DOCK10: variants seen among roughly 807,000 people sequenced by gnomAD.
The protein encoded by DOCK10 is dedicator of cytokinesis 10.
DOCK10 carries 145 observed loss-of-function variants against 280.1 expected under a neutral mutation model. That is an observed-to-expected ratio of 0.52 (90% CI 0.45 to 0.59). DOCK10 has a LOEUF of 0.59. Among genes scored for constraint, DOCK10 ranks in the 20% least tolerant of loss-of-function variants. The probability of loss-of-function intolerance (pLI) is 0.00; values close to 1 mark genes in which losing one functional copy is unlikely to be tolerated. For missense variants in DOCK10, 2,368 were observed against 2,651.7 expected (o/e 0.89, Z 2.35); for synonymous variants, 915 against 942.2 (o/e 0.97, Z 0.53).
intron 11 of DOCK10, among the ~76,000 whole-genome samples, chr2:224,865,330 G>T (rs746906172): frequency 6.6e-6 from 1 of 151,988 alleles, no homozygotes; most frequent in Non-Finnish European, 1.5e-5. Context: ...TGCATGGTTG[G>T]GCCTTACAAA....
Position 224,794,896 on chromosome 2 carries a change from T to C in DOCK10, c.5137A>G (p.Asn1713Asp), listed in dbSNP as rs769278338. 1.1e-5 allele frequency: 18 copies of C among 1,613,674 alleles called. No homozygotes were observed. Among genetic ancestry groups the C allele is most frequent in the Non-Finnish European group, 1.5e-5 (18 of 1,179,840 alleles). Residue 1713 changes from asparagine (N) to aspartate (D), a missense_variant, in exon 45 of 56, where the codon AAC becomes GAC. Physicochemically the swap from Asn to Asp is conservative, Grantham distance 23 (BLOSUM62 1). Coordinates refer to ENST00000258390, the MANE Select transcript of DOCK10 (RefSeq NM_014689.3). Reference protein sequence around the residue: ...LESMAKIHARNGDLSEAAMCY... With the variant: ...LESMAKIHARDGDLSEAAMCY... ...CTAATCACCTCAGATAAATCTCCGT[T>C]TCTGGCATGAATCTTGGCCATACTT...
chr2:224,864,741 A>T, intron 12 of DOCK10, 66 bp from the exon 13 acceptor site: 1 of 1,575,952 alleles, frequency 6.3e-7, no homozygotes, highest in South Asian at 1.2e-5. Context: ...ACAAAATTCC[A>T]TTTTTTTAAA....
In DOCK10 at chr2:224,806,244, T is replaced by C; in HGVS notation, c.3703-7A>G. Reference sequence around the variant, plus strand: ...TTAGATCATCTCTAGACCCCTGTATTCAAAGTATAGTAAAGATTAATGGGA... The same window carrying C: ...TTAGATCATCTCTAGACCCCTGTATCCAAAGTATAGTAAAGATTAATGGGA... On this transcript the variant is annotated splice_region_variant and splice_polypyrimidine_tract_variant and intron_variant, in intron 33 of 55. Coordinates refer to ENST00000258390, the MANE Select transcript of DOCK10 (RefSeq NM_014689.3). 1 of 1,536,660 alleles carries C rather than the reference T, an allele frequency of 6.5e-7. No individual in the cohort carries two copies. The highest frequency in any genetic ancestry group is 8.9e-7 in the Non-Finnish European group (1 of 1,118,658).
chr2:224,866,282 A>G (rs1042485913), intron 11 of DOCK10, among the ~76,000 whole-genome samples: 6 of 152,162 alleles, frequency 3.9e-5, no homozygotes, highest in African/African-American at 1.4e-4. Flanking sequence ...ATATATTCTG[A>G]CATAAATTCA....
At chr2:224,993,958 G>A (rs549640528) in intron 1 of DOCK10, among the ~76,000 whole-genome samples, 2 of 152,180 alleles carry the variant, frequency 1.3e-5, no homozygotes, top group Non-Finnish European at 2.9e-5. Context: ...AATTATCTTA[G>A]GCAGTCTTGA....
At chr2:224,933,544 T>C (rs1445705483) in intron 1 of DOCK10, among the ~76,000 whole-genome samples, 1 of 152,202 alleles carries the variant, frequency 6.6e-6, no homozygotes, top group Non-Finnish European at 1.5e-5. Flanking sequence ...AACCTGTTTT[T>C]CCTCCCTATT....
At chr2:224,921,112 A>AAAAAAATATAT in intron 2 of DOCK10, among the ~76,000 whole-genome samples, 4 of 54,402 alleles carry the variant, frequency 7.4e-5, no homozygotes, top group East Asian at 4.0e-4. Context: ...AAAAAAAAAA[A>AAAAAAATATAT]ATATATATAT....
At chr2:224,773,000 T>C (rs1384008660) in intron 53 of DOCK10, among the ~76,000 whole-genome samples, 157 bp downstream of exon 53, 2 of 152,194 alleles carry the variant, frequency 1.3e-5, no homozygotes, top group Non-Finnish European at 2.9e-5. Flanking sequence ...TAATGCACAT[T>C]GACAACTAGA....
At position 225,035,577 on chromosome 2, in the gene DOCK10, T is replaced by C. The variant is rs1366731556; in HGVS notation, c.123+6675A>G. ...ATATATATATATATATATATATATATATATATATATAACACTGAATCAGTG... is the reference window on the plus strand; with the variant it reads ...ATATATATATATATATATATATATACATATATATATAACACTGAATCAGTG... On this transcript the variant is annotated intron_variant, in intron 1 of 55. Coordinates refer to ENST00000258390, the MANE Select transcript of DOCK10 (RefSeq NM_014689.3). Among the ~76,000 whole-genome samples the C allele has an allele frequency of 6.2e-3, 589 of 95,124 alleles. 28 individuals are homozygous for C. The highest frequency in any genetic ancestry group is 6.2e-3 in the Non-Finnish European group (306 of 49,020). The allele number at this position is 95,124 out of a possible 152,430, so 62.4% of individuals were successfully genotyped here.
Position 225,042,330 on chromosome 2 carries a change from T to C in DOCK10, c.45A>G (p.Arg15=). 7.4e-7 allele frequency: 1 copy of C among 1,348,024 alleles called. No individual in the cohort carries two copies. Among genetic ancestry groups the C allele is most frequent in the Non-Finnish European group, 9.6e-7 (1 of 1,046,778 alleles). The allele number at this position is 1,348,024 out of a possible 1,614,324, so 83.5% of individuals were successfully genotyped here. ...GCCGGAGCTCGGCCGCCTGCCCAGG[T>C]CTCAACAGGCTCCGGGTGAACCTGC... ...RTRRFTRSLL[R]PGQAAELRHS... The change falls in exon 1 of 56, where the codon AGA becomes AGG. Residue 15 remains arginine, a synonymous_variant. Coordinates refer to ENST00000258390, the MANE Select transcript of DOCK10 (RefSeq NM_014689.3). The surrounding 1 kb of genome is among the most constrained non-coding windows in gnomAD (Gnocchi z 5.1).
At position 224,874,750 on chromosome 2, in the gene DOCK10, A is replaced by T; in HGVS notation, c.933T>A (p.Asp311Glu). Residue 311 changes from aspartate (D) to glutamate (E), a missense_variant and splice_region_variant, in exon 9 of 56, where the codon GAT becomes GAA. By Grantham distance (45) the Asp-to-Glu change is conservative. Coordinates refer to ENST00000258390, the MANE Select transcript of DOCK10 (RefSeq NM_014689.3). ...RSTELTDLGL[D>E]SLDNSVTCEC... Reference sequence around the variant, plus strand: ...CACAAGTTACAGAATTATCCAGCGAATCTTAAAAAGATATACCAAGTCAGG... The same window carrying T: ...CACAAGTTACAGAATTATCCAGCGATTCTTAAAAAGATATACCAAGTCAGG... 6.2e-7 allele frequency: 1 copy of T among 1,613,476 alleles called. No individual in the cohort carries two copies. The highest frequency in any genetic ancestry group is 8.5e-7 in the Non-Finnish European group (1 of 1,179,454).
intron 11 of DOCK10, 84 bp from the exon 12 acceptor site, chr2:224,865,171 C>G: frequency 7.4e-7 from 1 of 1,342,304 alleles, no homozygotes; most frequent in Non-Finnish European, 1.0e-6. Flanking sequence ...TTTAACAAAG[C>G]AGTAGATAAA....
rs1378285152 is a variant in DOCK10 at position 224,793,470 on chromosome 2, A to G, written c.5155-13T>C. 6.2e-7 allele frequency: 1 copy of G among 1,610,508 alleles called. No homozygotes were observed. Among genetic ancestry groups the G allele is most frequent in the African/African-American group, 1.3e-5 (1 of 74,838 alleles). ...AACACATGGCAGCCTGTAATGAGAAAGAAAATAAAGAGGCTCAGGGGATGG... is the reference window on the plus strand; with the variant it reads ...AACACATGGCAGCCTGTAATGAGAAGGAAAATAAAGAGGCTCAGGGGATGG... On this transcript the variant is annotated splice_polypyrimidine_tract_variant and intron_variant, in intron 45 of 55. Transcript: ENST00000258390.
chr2:224,871,198 A>G (rs941376476), intron 11 of DOCK10, among the ~76,000 whole-genome samples: 1 of 152,120 alleles, frequency 6.6e-6, no homozygotes, highest in Non-Finnish European at 1.5e-5. Flanking sequence ...CAAGTGAAAC[A>G]TGTTCATAAT....
rs1313663746 is a variant in DOCK10, at chr2:224,888,100, GAT to G, written c.417-1571_417-1570del. Among the ~76,000 whole-genome samples, 8 of 152,234 alleles carry G rather than the reference GAT, an allele frequency of 5.3e-5. No individual in the cohort carries two copies. In the East Asian group the frequency reaches 1.4e-3, roughly 26 times the overall value. On this transcript the variant is annotated intron_variant, in intron 4 of 55. Transcript: ENST00000258390. ...GGAGATAAAGTCGCCAGCTTATAAA[GAT>G]ATCTGCACTCCCATCATCATTGTGG...
In DOCK10 at chr2:225,007,918, T is replaced by C. The variant is rs140742574; in HGVS notation, c.123+34334A>G. Among the ~76,000 whole-genome samples the C allele has an allele frequency of 4.0e-3, 602 of 152,296 alleles. 6 individuals are homozygous for C. Among genetic ancestry groups the C allele is most frequent in the African/African-American group, 0.014 (580 of 41,578 alleles). ...CTAATTGTGAGCATGATCAGGGATA[T>C]GCATTCTGTTCTTTAAGAAATGCTG... On this transcript the variant is annotated intron_variant, in intron 1 of 55. Coordinates refer to ENST00000258390, the MANE Select transcript of DOCK10 (RefSeq NM_014689.3).
rs148079117 is a variant in DOCK10 at position 224,867,785 on chromosome 2, T to C, written c.1258-2698A>G. Among the ~76,000 whole-genome samples, 5 of 152,312 alleles carry C rather than the reference T, an allele frequency of 3.3e-5. No individual in the cohort carries two copies. In the East Asian group the frequency reaches 9.6e-4, roughly 29 times the overall value. ...CATTAAGGAAGTATGACCAAAGAGCTTGGATATTCTTTGCATGTGTTTGTC... is the reference window on the plus strand; with the variant it reads ...CATTAAGGAAGTATGACCAAAGAGCCTGGATATTCTTTGCATGTGTTTGTC... On this transcript the variant is annotated intron_variant, in intron 11 of 55. Coordinates refer to ENST00000258390, the MANE Select transcript of DOCK10 (RefSeq NM_014689.3).
intron 4 of DOCK10, among the ~76,000 whole-genome samples, chr2:224,891,372 C>A (rs1386358003): frequency 6.6e-6 from 1 of 152,048 alleles, no homozygotes; most frequent in Non-Finnish European, 1.5e-5. Context: ...ATAAACTATT[C>A]TCAAAGTAAA....
intron 22 of DOCK10, among the ~76,000 whole-genome samples, chr2:224,842,930 G>A (rs1696062973): frequency 6.6e-6 from 1 of 152,162 alleles, no homozygotes; most frequent in East Asian, 1.9e-4. Context: ...TTTGTCTGTT[G>A]GGTCAGGGAA....
Sources: allele counts gnomAD v4.1 joint callset (sites outside exome capture counted in the v4.1 genomes callset), GRCh38; gene constraint gnomAD v4.1.1; non-coding constraint Gnocchi (gnomAD v3.1); transcripts MANE v1.5; gene names NCBI Gene and HGNC (gene_info 2026-07-23, HGNC 2026-07-21).